Variants in SDK1 observed in about 807,000 individuals in gnomAD.
SDK1 encodes protein sidekick-1.
A neutral mutation model predicts 245.5 loss-of-function variants in SDK1; 157 were observed. That is an observed-to-expected ratio of 0.64 (90% CI 0.56 to 0.73). The LOEUF (loss-of-function observed/expected upper bound fraction) is 0.73, where lower values mean the gene tolerates loss of function less well. Ranked by LOEUF, SDK1 falls within the 30% of genes least tolerant of loss-of-function variation. SDK1 has a pLI of 0.00. For synonymous variants in SDK1, 1,647 were observed against 1,278.5 expected (o/e 1.29, Z -6.15); for missense variants, 3,583 against 3,002.3 (o/e 1.19, Z -4.52).
intron 4 of SDK1, among the ~76,000 whole-genome samples, chr7:3,771,287 T>C (rs970170929): frequency 6.6e-6 from 1 of 151,930 alleles, no homozygotes; most frequent in East Asian, 1.9e-4. Context: ...GAGCTTGGAG[T>C]TGGCAAGCCA....
chr7:4,168,575 C>G (rs2128215386), intron 32 of SDK1, among the ~76,000 whole-genome samples: 1 of 152,280 alleles, frequency 6.6e-6, no homozygotes, highest in South Asian at 2.1e-4. Flanking sequence ...GAATTGAATC[C>G]AGCCTTCGTC....
At chr7:3,889,542 C>G (rs978205853) in intron 5 of SDK1, among the ~76,000 whole-genome samples, 2 of 151,980 alleles carry the variant, frequency 1.3e-5, no homozygotes, top group Non-Finnish European at 2.9e-5. Context: ...GTGTCTTGCT[C>G]TGCCACCCAG....
intron 32 of SDK1, among the ~76,000 whole-genome samples, chr7:4,162,369 G>GTTGTTATTA (rs776772572): frequency 0.019 from 2,441 of 128,302 alleles, 98 homozygotes; most frequent in East Asian, 0.17. Flanking sequence ...TGTTGTTGTT[G>GTTGTTATTA]TTATTATTAT....
chr7:3,838,658 C>T (rs749387985), intron 5 of SDK1, among the ~76,000 whole-genome samples: 8 of 152,156 alleles, frequency 5.3e-5, no homozygotes, highest in East Asian at 1.9e-4. Context: ...TGCCAGCCCC[C>T]GTCCCTGAAC....
chr7:4,175,141 T>G (rs1306988855), intron 33 of SDK1, among the ~76,000 whole-genome samples: 1 of 152,138 alleles, frequency 6.6e-6, no homozygotes, highest in African/African-American at 2.4e-5. Flanking sequence ...CGGCAGCAGC[T>G]CCTATGCTCC....
chr7:3,984,211 A>G (rs1200865863), intron 13 of SDK1, among the ~76,000 whole-genome samples: 1 of 152,034 alleles, frequency 6.6e-6, no homozygotes, highest in African/African-American at 2.4e-5. Context: ...GGATGGAGGG[A>G]CATGTGTGAG....
chr7:3,544,113 C>A (rs1318128072), intron 1 of SDK1, among the ~76,000 whole-genome samples: 1 of 152,160 alleles, frequency 6.6e-6, no homozygotes, highest in Non-Finnish European at 1.5e-5. Flanking sequence ...ATGCTTTAGA[C>A]TACCTGGCCT....
chr7:4,244,575 C>T (rs998346341), intron 43 of SDK1, among the ~76,000 whole-genome samples: 8 of 152,320 alleles, frequency 5.3e-5, no homozygotes, highest in Admixed American at 2.0e-4. Context: ...CATTTTCTAT[C>T]GCTGCATGGC....
intron 1 of SDK1, among the ~76,000 whole-genome samples, chr7:3,510,149 C>T (rs1336335057): frequency 6.6e-6 from 1 of 152,148 alleles, no homozygotes; most frequent in Non-Finnish European, 1.5e-5. Flanking sequence ...TTCCCAGTGC[C>T]TGGACCTGGA....
chr7:3,484,050 G>C (rs531985520), intron 1 of SDK1, among the ~76,000 whole-genome samples: 2 of 152,284 alleles, frequency 1.3e-5, no homozygotes, highest in South Asian at 2.1e-4. Flanking sequence ...TATCATTTCT[G>C]TGTGTTGGGG....
At chr7:4,264,583 GGGAGGCCGCGTGGACCTCTCCTGA>G (rs1410970403) in intron 44 of SDK1, among the ~76,000 whole-genome samples, 17 of 50,070 alleles carry the variant, frequency 3.4e-4, no homozygotes, top group African/African-American at 2.9e-3. Context: ...CTCCTGAGTG[GGGAGGCCGCGTGGACCTCTCCTGA>G]GTGAGGGAAG....
intron 7 of SDK1, among the ~76,000 whole-genome samples, chr7:3,957,884 G>A (rs915663643): frequency 7.9e-5 from 12 of 152,204 alleles, no homozygotes; most frequent in African/African-American, 2.2e-4. Context: ...CTCCTCAGCC[G>A]GAGTGGTTGA....
At chr7:3,991,368 C>T (rs1394059993) in intron 14 of SDK1, among the ~76,000 whole-genome samples, 1 of 152,190 alleles carries the variant, frequency 6.6e-6, no homozygotes, top group Non-Finnish European at 1.5e-5. Flanking sequence ...CCATTACGCC[C>T]AGGCAGAAAT....
chr7:3,624,535 G>A (rs904805167), intron 2 of SDK1, among the ~76,000 whole-genome samples: 12 of 152,026 alleles, frequency 7.9e-5, no homozygotes. Context: ...GGGATTTTCT[G>A]GGGAAGTAAC....
At chr7:3,544,223 C>T (rs1187582627) in intron 1 of SDK1, among the ~76,000 whole-genome samples, 1 of 152,210 alleles carries the variant, frequency 6.6e-6, no homozygotes, top group Non-Finnish European at 1.5e-5. Context: ...TCCCAAAGAC[C>T]ATATGTATCC....
chr7:3,375,566 GACAT>G (rs547317349), intron 1 of SDK1, among the ~76,000 whole-genome samples: 54 of 152,300 alleles, frequency 3.5e-4, no homozygotes, highest in African/African-American at 1.3e-3. Flanking sequence ...AATCATACAA[GACAT>G]TGTAACCTCT....
rs1241991424 is a variant in SDK1 at position 3,639,824 on chromosome 7, TTA to T, written c.565+718_565+719del. Among the ~76,000 whole-genome samples, 8 of 151,516 alleles carry T rather than the reference TTA, an allele frequency of 5.3e-5. No individual in the cohort carries two copies. The East Asian group carries it at 1.5e-3, about 29-fold the overall frequency. ...TATAATAGAGACATAACATATATAA[TTA>T]TATGTCATATATATGTTATATATAT... On this transcript the variant is annotated intron_variant, in intron 3 of 44. Transcript: ENST00000404826.
chr7:3,961,958 TAC>T lies in SDK1; in HGVS notation c.1235-693_1235-692del, dbSNP rs560933489. On this transcript the variant is annotated intron_variant, in intron 8 of 44. Coordinates refer to ENST00000404826, the MANE Select transcript of SDK1 (RefSeq NM_152744.4). ...ATACACACACGCACATGTATACGCA[TAC>T]ACACATAAACACATGCACATATATG... is the stretch of plus-strand genomic sequence containing the variant. 3.0e-4 allele frequency among the ~76,000 whole-genome samples: 45 copies of T among 151,736 alleles called. No homozygotes were observed. In the South Asian group the frequency reaches 8.5e-3, roughly 29 times the overall value.
chr7:3,675,127 C>T (rs79875665), intron 4 of SDK1, among the ~76,000 whole-genome samples: 1 of 152,188 alleles, frequency 6.6e-6, no homozygotes, highest in South Asian at 2.1e-4. Flanking sequence ...GTTGATCTCC[C>T]TCCATGCCCC....
Sources: allele counts gnomAD v4.1 joint callset (sites outside exome capture counted in the v4.1 genomes callset), GRCh38; gene constraint gnomAD v4.1.1; transcripts MANE v1.5; gene names NCBI Gene and HGNC (gene_info 2026-07-23, HGNC 2026-07-21).